The following CDH9 variants were observed in gnomAD, a reference collection of about 807,000 sequenced individuals.
CDH9 encodes cadherin-9.
In CDH9, 28 loss-of-function variants were observed where a neutral mutation model predicts 70.9. The observed-to-expected ratio is 0.40, with a 90% CI of 0.29 to 0.54. CDH9 has a LOEUF of 0.54. Ranked by LOEUF, CDH9 falls within the 20% of genes least tolerant of loss-of-function variation. The pLI is 0.59. For synonymous variants in CDH9, 409 were observed against 343.1 expected (o/e 1.19, Z -2.12); for missense variants, 874 against 984.4 (o/e 0.89, Z 1.50).
intron 2 of CDH9, among the ~76,000 whole-genome samples, chr5:26,972,923 G>T (rs943200656): frequency 2.0e-5 from 3 of 151,522 alleles, no homozygotes; most frequent in African/African-American, 7.3e-5. Context: ...GAGTGCAGTG[G>T]CACGATCTCA....
rs1742515734 is a variant in CDH9, at chr5:26,988,011, A to AT, written c.228+94dup. ...ACCTTCAGAACATAATTAGTTAAATATTTTTTAATAATCACTAGTGAAAAG... is the reference window on the plus strand; with the variant it reads ...ACCTTCAGAACATAATTAGTTAAATATTTTTTTAATAATCACTAGTGAAAAG... On this transcript the variant is annotated intron_variant, in intron 2 of 11. Coordinates refer to ENST00000231021, the MANE Select transcript of CDH9 (RefSeq NM_016279.4). 2.0e-5 allele frequency: 16 copies of AT among 809,760 alleles called. 1 individual carries two copies. The South Asian group carries it at 2.3e-4, about 12-fold the overall frequency. The allele number at this position is 809,760 out of a possible 1,614,324, so 50.2% of individuals were successfully genotyped here.
At chr5:26,925,848 A>T (rs1741327300) in intron 2 of CDH9, among the ~76,000 whole-genome samples, 1 of 151,976 alleles carries the variant, frequency 6.6e-6, no homozygotes, top group South Asian at 2.1e-4. Flanking sequence ...TTGTCACATG[A>T]TTATCTCAAT....
At chr5:26,927,192 G>A (rs1741358227) in intron 2 of CDH9, among the ~76,000 whole-genome samples, 1 of 151,816 alleles carries the variant, frequency 6.6e-6, no homozygotes, top group Non-Finnish European at 1.5e-5. Context: ...GCATTTAATA[G>A]AATTCAACAT....
At chr5:26,906,596 G>A (rs897480402) in intron 4 of CDH9, 123 bp downstream of exon 4, 132 of 1,366,764 alleles carry the variant, frequency 9.7e-5, no homozygotes, top group Non-Finnish European at 1.2e-4. Flanking sequence ...AATAATGACA[G>A]GAAACAAATA....
intron 1 of CDH9, among the ~76,000 whole-genome samples, chr5:27,007,326 G>A (rs1452914035): frequency 6.6e-6 from 1 of 152,108 alleles, no homozygotes; most frequent in Non-Finnish European, 1.5e-5. Flanking sequence ...TGTGGGTAGG[G>A]AGGGGAGGAT....
chr5:26,985,900 A>G (rs374951326), intron 2 of CDH9, among the ~76,000 whole-genome samples: 1 of 152,104 alleles, frequency 6.6e-6, no homozygotes, highest in African/African-American at 2.4e-5. Flanking sequence ...CCAGTTAGCC[A>G]CTATATATGC....
chr5:27,002,804 G>A (rs1018971074), intron 1 of CDH9, among the ~76,000 whole-genome samples: 8 of 152,078 alleles, frequency 5.3e-5, no homozygotes, highest in African/African-American at 1.9e-4. Flanking sequence ...AGCATTAGGA[G>A]ATACACCTAA....
intron 1 of CDH9, among the ~76,000 whole-genome samples, chr5:27,014,312 C>A (rs1041317074): frequency 1.3e-5 from 2 of 151,916 alleles, no homozygotes; most frequent in Non-Finnish European, 2.9e-5. Context: ...TATATTAACC[C>A]CTTCCGACCA....
chr5:26,992,085 G>T (rs1183514633), intron 1 of CDH9, among the ~76,000 whole-genome samples: 1 of 152,098 alleles, frequency 6.6e-6, no homozygotes, highest in East Asian at 1.9e-4. Flanking sequence ...CTCATAAGCA[G>T]CACGCAACCT....
intron 2 of CDH9, among the ~76,000 whole-genome samples, chr5:26,921,892 G>A (rs988340361): frequency 2.0e-5 from 3 of 151,954 alleles, no homozygotes; most frequent in Non-Finnish European, 4.4e-5. Flanking sequence ...ATAACTAAGA[G>A]GAATCAAGCA....
At chr5:27,001,122 GA>G (rs561212004) in intron 1 of CDH9, among the ~76,000 whole-genome samples, 4 of 151,858 alleles carry the variant, frequency 2.6e-5, no homozygotes, top group Admixed American at 1.3e-4. Context: ...CAAATTAAAA[GA>G]AAAAAACATT....
At chr5:26,923,686 C>T (rs1229908437) in intron 2 of CDH9, among the ~76,000 whole-genome samples, 6 of 151,968 alleles carry the variant, frequency 3.9e-5, no homozygotes, top group Non-Finnish European at 8.8e-5. Flanking sequence ...TTTTGAAAAT[C>T]TAAACAATTG....
chr5:26,998,864 G>C (rs1742715071), intron 1 of CDH9, among the ~76,000 whole-genome samples: 1 of 152,022 alleles, frequency 6.6e-6, no homozygotes, highest in South Asian at 2.1e-4. Flanking sequence ...GATTACACAA[G>C]ATTTTATGAA....
chr5:26,950,021 G>A (rs1487527116), intron 2 of CDH9, among the ~76,000 whole-genome samples: 1 of 152,200 alleles, frequency 6.6e-6, no homozygotes, highest in Non-Finnish European at 1.5e-5. Context: ...TTAAACTTAA[G>A]TGTAGTGGGA....
chr5:26,985,297 T>C (rs755351146), intron 2 of CDH9, among the ~76,000 whole-genome samples: 17 of 152,012 alleles, frequency 1.1e-4, no homozygotes, highest in Non-Finnish European at 2.4e-4. Context: ...CTTTCCAAAA[T>C]CTTAGAAAAG....
intron 5 of CDH9, among the ~76,000 whole-genome samples, chr5:26,905,060 C>T (rs1460318939): frequency 6.6e-6 from 1 of 151,928 alleles, no homozygotes; most frequent in East Asian, 1.9e-4. Context: ...TGAATATGTC[C>T]ACCAATCAAA....
At chr5:26,931,657 A>T (rs956085302) in intron 2 of CDH9, among the ~76,000 whole-genome samples, 3 of 152,152 alleles carry the variant, frequency 2.0e-5, no homozygotes, top group African/African-American at 7.2e-5. Flanking sequence ...TATCATGAAA[A>T]TGTCCAGAAT....
chr5:26,922,924 G>T (rs1056645991), intron 2 of CDH9, among the ~76,000 whole-genome samples: 2 of 151,292 alleles, frequency 1.3e-5, no homozygotes, highest in Admixed American at 6.6e-5. Flanking sequence ...GTGTGGAGTG[G>T]ATAATGAGGT....
chr5:26,906,013 T>C lies in CDH9; in HGVS notation c.757A>G (p.Thr253Ala). 6.2e-7 allele frequency: 1 copy of C among 1,613,794 alleles called. No homozygotes were observed. The highest frequency in any genetic ancestry group is 8.5e-7 in the Non-Finnish European group (1 of 1,179,668). Residue 253 changes from threonine to alanine, a missense_variant, in exon 5 of 12, where the codon ACA becomes GCA. Transcript: ENST00000231021. The stretch of plus-strand genomic sequence containing the variant: ...ACATCTGTCAGCGTGATGTTCACTG[T>C]GGTGGTTCCAGAAAGGCCTCCCATC... ...GQMGGLSGTT[T>A]VNITLTDVNN...
Sources: allele counts gnomAD v4.1 joint callset (sites outside exome capture counted in the v4.1 genomes callset), GRCh38; gene constraint gnomAD v4.1.1; transcripts MANE v1.5; gene names NCBI Gene and HGNC (gene_info 2026-07-23, HGNC 2026-07-21).